Variants in EXD1 observed in about 807,000 individuals in gnomAD.
EXD1 encodes the protein exonuclease 3'-5' domain containing 1.
In EXD1, 63 loss-of-function variants were observed where a neutral mutation model predicts 49.1. That is an observed-to-expected ratio of 1.28 (90% CI 1.05 to 1.58). The LOEUF (loss-of-function observed/expected upper bound fraction) is 1.58. EXD1 is among the 40% of genes most tolerant of loss of function. The probability of loss-of-function intolerance (pLI) is 0.00; values close to 1 mark genes in which losing one functional copy is unlikely to be tolerated. For synonymous variants in EXD1, 234 were observed against 239.2 expected, an observed-to-expected ratio of 0.98 and a Z score of 0.20; for missense variants, 748 against 666.0, an observed-to-expected ratio of 1.12 and a Z score of -1.36.
At position 41,190,129 on chromosome 15, in the gene EXD1, C is replaced by T; in HGVS notation, c.865-1G>A. 6.2e-7 allele frequency: 1 copy of T among 1,614,018 alleles called. No homozygotes were observed. The highest frequency in any genetic ancestry group is 8.5e-7 in the Non-Finnish European group (1 of 1,179,972). On this transcript the variant is annotated splice_acceptor_variant, in intron 10 of 11. Coordinates refer to ENST00000458580, the MANE Select transcript of EXD1 (RefSeq NM_001286441.2). LOFTEE classifies it high-confidence loss of function. Reference sequence around the variant, plus strand: ...GGATGAACCATACTTCTGGATTTTCCTGGAGACAATAAAACAATTTCCTCT... The same window carrying T: ...GGATGAACCATACTTCTGGATTTTCTTGGAGACAATAAAACAATTTCCTCT...
At position 41,184,383 on chromosome 15, in the gene EXD1, C is replaced by G; in HGVS notation, c.1267G>C (p.Ala423Pro). 1 of 1,614,050 alleles carries G rather than the reference C, an allele frequency of 6.2e-7. No homozygotes were observed. The highest frequency in any genetic ancestry group is 8.5e-7 in the Non-Finnish European group (1 of 1,180,018). ...LFGKNFRIDK[A>P]PSFTSQDFHG... ...AAGTCTTGAGATGTAAAACTTGGAG[C>G]TTTATCTATCCTAAAATTTTTACCA... Residue 423 changes from alanine (A) to proline (P), a missense_variant, in exon 12 of 12, where the codon GCT (alanine) becomes CCT (proline). Coordinates refer to ENST00000458580, the MANE Select transcript of EXD1 (RefSeq NM_001286441.2).
intron 6 of EXD1, among the ~76,000 whole-genome samples, chr15:41,213,784 A>G (rs1420944945): frequency 6.6e-6 from 1 of 152,202 alleles, no homozygotes; most frequent in Non-Finnish European, 1.5e-5. Context: ...TCTTTCTGGT[A>G]TACTGAAAAT....
intron 7 of EXD1, among the ~76,000 whole-genome samples, chr15:41,208,032 G>A (rs7170913): frequency 0.27 from 40,496 of 150,138 alleles, 7,366 homozygotes; most frequent in African/African-American, 0.51. Flanking sequence ...AAAAGAAAGA[G>A]AGAAAACAAA....
In EXD1 at chr15:41,209,673, A is replaced by G. The variant is rs192883944; in HGVS notation, c.448-86T>C. 2.6e-6 allele frequency: 3 copies of G among 1,154,166 alleles called. No homozygotes were observed. The Admixed American group carries it at 6.4e-5, about 25-fold the overall frequency. The allele number at this position is 1,154,166 out of a possible 1,614,324, so 71.5% of individuals were successfully genotyped here. ...CATGATTGGCACAAATACAATGGTCAGCAGTAAACAAAGTGCATCATCTTT... is the reference window on the plus strand; with the variant it reads ...CATGATTGGCACAAATACAATGGTCGGCAGTAAACAAAGTGCATCATCTTT... On this transcript the variant is annotated intron_variant, in intron 6 of 11. Transcript: ENST00000458580.
intron 7 of EXD1, among the ~76,000 whole-genome samples, chr15:41,199,769 A>G (rs1189861546): frequency 3.8e-5 from 1 of 26,206 alleles, no homozygotes; most frequent in Non-Finnish European, 8.2e-5. Context: ...CATATATGAT[A>G]TATATGTCAT....
At position 41,198,708 on chromosome 15, in the gene EXD1, AT is replaced by A. The variant is rs896709895; in HGVS notation, c.535-2672del. Among the ~76,000 whole-genome samples, 745 of 146,212 alleles carry A rather than the reference AT, an allele frequency of 5.1e-3. 3 individuals are homozygous for A. Among genetic ancestry groups the A allele is most frequent in the South Asian group, 0.021 (97 of 4,620 alleles). ...TCTTTTTATTTTTTAATTAAAAAAA[AT>A]TTTTTTTTTTTTTAAGACAGAGTTT... On this transcript the variant is annotated intron_variant, in intron 7 of 11. Transcript: ENST00000458580.
chr15:41,199,795 A>G (rs564375272), intron 7 of EXD1, among the ~76,000 whole-genome samples: 13 of 93,232 alleles, frequency 1.4e-4, no homozygotes, highest in Non-Finnish European at 1.8e-4. Context: ...ATATAATGTC[A>G]TATATATTAT....
rs1432944432 is a variant in EXD1, at chr15:41,218,466, G to A, written c.203-1312C>T. On this transcript the variant is annotated intron_variant, in intron 3 of 11. Transcript: ENST00000458580. ...CATACCACTGCACTCCAGCCTTAGC[G>A]ACAAAGTAAGAATCCGTCTCAAAAA... is the stretch of plus-strand genomic sequence containing the variant. Among the ~76,000 whole-genome samples the A allele has an allele frequency of 9.8e-5, 12 of 121,838 alleles. 1 individual carries two copies. The highest frequency in any genetic ancestry group is 2.7e-4 in the African/African-American group (7 of 25,944). The allele number at this position is 121,838 out of a possible 152,430, so 79.9% of individuals were successfully genotyped here.
At chr15:41,195,900 C>G in intron 8 of EXD1, 33 bp downstream of exon 8, 1 of 1,607,970 alleles carries the variant, frequency 6.2e-7, no homozygotes, top group Non-Finnish European at 8.5e-7. Context: ...GGCTGCTAAT[C>G]TTAATAGCAC....
At chr15:41,205,714 G>A (rs2046811943) in intron 7 of EXD1, among the ~76,000 whole-genome samples, 1 of 84,110 alleles carries the variant, frequency 1.2e-5, no homozygotes, top group Non-Finnish European at 2.1e-5. Context: ...AAGGAGGGAA[G>A]GAGAGAAGGA....
At chr15:41,206,048 A>T (rs1049585669) in intron 7 of EXD1, among the ~76,000 whole-genome samples, 1 of 152,006 alleles carries the variant, frequency 6.6e-6, no homozygotes, top group African/African-American at 2.4e-5. Flanking sequence ...TGACATAACT[A>T]AGTTGGAAAG....
At chr15:41,228,294 A>C (rs1215032922) in intron 1 of EXD1, among the ~76,000 whole-genome samples, 1 of 152,332 alleles carries the variant, frequency 6.6e-6, no homozygotes, top group South Asian at 2.1e-4. Context: ...CTAGAGCCTA[A>C]GTCAACTAGG....
Position 41,196,015 on chromosome 15 carries a change from T to C in EXD1, c.557A>G (p.Tyr186Cys). Residue 186 changes from tyrosine (Y) to cysteine (C), a missense_variant, in exon 8 of 12, where the codon TAC (tyrosine) becomes TGC (cysteine). Coordinates refer to ENST00000458580, the MANE Select transcript of EXD1 (RefSeq NM_001286441.2). ...WLQVATNCRV[Y>C]LFDIFLLGSR... is the part of the protein sequence containing the mutation. Reference sequence around the variant, plus strand: ...TCCCAGAAGGAAAATGTCAAATAAGTAAACTCGGCAATTTGTGGCCACCTA... The same window carrying C: ...TCCCAGAAGGAAAATGTCAAATAAGCAAACTCGGCAATTTGTGGCCACCTA... 1.2e-6 allele frequency: 2 copies of C among 1,613,012 alleles called. No individual in the cohort carries two copies. The highest frequency in any genetic ancestry group is 1.7e-6 in the Non-Finnish European group (2 of 1,179,702).
chr15:41,222,028 C>T (rs1197849828), intron 2 of EXD1, among the ~76,000 whole-genome samples: 2 of 151,432 alleles, frequency 1.3e-5, no homozygotes, highest in South Asian at 2.1e-4. Context: ...TGAACCCAGG[C>T]GTCAGAGGTT....
intron 2 of EXD1, among the ~76,000 whole-genome samples, chr15:41,222,304 T>C (rs2047100338): frequency 6.6e-6 from 1 of 152,118 alleles, no homozygotes; most frequent in Non-Finnish European, 1.5e-5. Context: ...TAATCCCAGC[T>C]GTTCAGAGGC....
chr15:41,203,431 G>A (rs2140861126), intron 7 of EXD1, among the ~76,000 whole-genome samples: 1 of 152,208 alleles, frequency 6.6e-6, no homozygotes, highest in South Asian at 2.1e-4. Context: ...CCTTTGTTGA[G>A]ACTCAGAAAA....
chr15:41,207,013 C>T (rs1240030621), intron 7 of EXD1, among the ~76,000 whole-genome samples: 6 of 124,060 alleles, frequency 4.8e-5, no homozygotes, highest in African/African-American at 9.2e-5. Context: ...GAGGCCGAGG[C>T]GGGCAGATCA....
intron 6 of EXD1, among the ~76,000 whole-genome samples, chr15:41,212,019 C>T (rs190759930): frequency 1.2e-4 from 17 of 145,262 alleles, no homozygotes; most frequent in African/African-American, 4.0e-4. Context: ...GTTATACAAA[C>T]GGCTAGTAAG....
At chr15:41,226,665 G>T in intron 1 of EXD1, 37 bp from the exon 2 acceptor site, 1 of 1,427,916 alleles carries the variant, frequency 7.0e-7, no homozygotes, top group Non-Finnish European at 9.2e-7. Flanking sequence ...AATTTTAAAA[G>T]ATTTTTTGGG....
Sources: allele counts gnomAD v4.1 joint callset (sites outside exome capture counted in the v4.1 genomes callset), GRCh38; gene constraint gnomAD v4.1.1; transcripts MANE v1.5; gene names NCBI Gene and HGNC (gene_info 2026-07-23, HGNC 2026-07-21).